The following PCSK2 variants were observed in gnomAD, a reference collection of about 807,000 sequenced individuals.
PCSK2 encodes proprotein convertase subtilisin/kexin type 2, also known as neuroendocrine convertase 2.
In PCSK2, 14 loss-of-function variants were observed where a neutral mutation model predicts 69.7. That is an observed-to-expected ratio of 0.20 (90% CI 0.13 to 0.31). The LOEUF (loss-of-function observed/expected upper bound fraction) is 0.31, where lower values mean the gene tolerates loss of function less well. Ranked by LOEUF, PCSK2 falls within the 10% of genes least tolerant of loss-of-function variation. The pLI is 1.00. For missense variants in PCSK2, 544 were observed against 842.5 expected, an observed-to-expected ratio of 0.65 and a Z score of 4.39; for synonymous variants, 307 against 320.7, an observed-to-expected ratio of 0.96 and a Z score of 0.46.
chr20:17,258,797 T>TGTGTGTGTGTG (rs1555782145), intron 1 of PCSK2, among the ~76,000 whole-genome samples: 3 of 151,030 alleles, frequency 2.0e-5, no homozygotes, highest in Non-Finnish European at 4.4e-5. Flanking sequence ...TGTGTGTGTG[T>TGTGTGTGTGTG]TTAAGCAAGG....
intron 5 of PCSK2, among the ~76,000 whole-genome samples, chr20:17,392,233 A>T (rs2031401596): frequency 6.6e-6 from 1 of 152,154 alleles, no homozygotes; most frequent in South Asian, 2.1e-4. Flanking sequence ...ACAGGAAAGA[A>T]CTCAGCATCT....
chr20:17,338,711 A>G (rs559016882), intron 2 of PCSK2, among the ~76,000 whole-genome samples: 2 of 152,290 alleles, frequency 1.3e-5, no homozygotes, highest in African/African-American at 4.8e-5. Flanking sequence ...GAGAGGGGTC[A>G]TTCCCAGGGA....
At chr20:17,331,777 A>C in intron 2 of PCSK2, among the ~76,000 whole-genome samples, 1 of 152,088 alleles carries the variant, frequency 6.6e-6, no homozygotes, top group Non-Finnish European at 1.5e-5. Flanking sequence ...TAAAAAAAAA[A>C]AAACCTCTGA....
chr20:17,341,172 A>T (rs1331512177), intron 2 of PCSK2, among the ~76,000 whole-genome samples: 1 of 152,218 alleles, frequency 6.6e-6, no homozygotes, highest in African/African-American at 2.4e-5. Flanking sequence ...CCCAGGAGAC[A>T]GAGGTTGCAG....
chr20:17,346,802 C>T (rs946229977), intron 2 of PCSK2, among the ~76,000 whole-genome samples: 9 of 152,078 alleles, frequency 5.9e-5, no homozygotes, highest in African/African-American at 2.2e-4. Flanking sequence ...CCTAACATTG[C>T]CCCACCACCC....
At chr20:17,418,891 T>C (rs1172115606) in intron 6 of PCSK2, among the ~76,000 whole-genome samples, 2 of 152,234 alleles carry the variant, frequency 1.3e-5, no homozygotes, top group Non-Finnish European at 2.9e-5. Context: ...GGCTTGTTGC[T>C]ATTAACTATT....
In PCSK2 at chr20:17,483,468, G is replaced by A. The variant is rs756648721; in HGVS notation, c.*1398G>A. 1.3e-5 allele frequency: 2 copies of A among 152,350 alleles called. No individual in the cohort carries two copies. Among genetic ancestry groups the A allele is most frequent in the Non-Finnish European group, 2.9e-5 (2 of 68,092 alleles). 9.4% of individuals were successfully genotyped at this position (152,350 alleles called of 1,614,324 possible). ...ACCCAGAGATTGCTTCTCATCCCCA[G>A]TCCCAATGCACATCCATTCCCAAGA... On this transcript the variant is annotated 3_prime_UTR_variant, in exon 12 of 12. Transcript: ENST00000262545.
At chr20:17,437,035 G>T (rs1217781546) in intron 8 of PCSK2, 152 bp downstream of exon 8, 2 of 665,734 alleles carry the variant, frequency 3.0e-6, no homozygotes, top group Non-Finnish European at 4.9e-6. Context: ...CATGCAGGAG[G>T]CTGACTGCAG....
chr20:17,403,917 G>C (rs916582988), intron 5 of PCSK2, among the ~76,000 whole-genome samples: 11 of 152,220 alleles, frequency 7.2e-5, no homozygotes, highest in Admixed American at 2.6e-4. Flanking sequence ...ATGCTAGTAG[G>C]TATATAGTGC....
chr20:17,333,690 T>G (rs1990262277), intron 2 of PCSK2, among the ~76,000 whole-genome samples: 1 of 151,950 alleles, frequency 6.6e-6, no homozygotes, highest in Non-Finnish European at 1.5e-5. Context: ...CTTCATGTAT[T>G]TATGGCTTCA....
intron 2 of PCSK2, among the ~76,000 whole-genome samples, chr20:17,274,357 C>A (rs527413214): frequency 2.2e-4 from 34 of 152,272 alleles, no homozygotes; most frequent in African/African-American, 8.2e-4. Context: ...TAGGGCCTGG[C>A]TCCTCCTCTA....
intron 6 of PCSK2, among the ~76,000 whole-genome samples, chr20:17,412,920 C>G (rs1451992319): frequency 1.3e-5 from 2 of 152,132 alleles, no homozygotes; most frequent in Non-Finnish European, 2.9e-5. Flanking sequence ...AATTTCATAT[C>G]CAGCCAAACT....
At chr20:17,227,964 G>C (rs1985996399) in intron 1 of PCSK2, among the ~76,000 whole-genome samples, 1 of 152,146 alleles carries the variant, frequency 6.6e-6, no homozygotes, top group Non-Finnish European at 1.5e-5. Context: ...CCCGCGCCGG[G>C]AGGACTTCCC....
At chr20:17,297,864 T>A (rs1004053864) in intron 2 of PCSK2, among the ~76,000 whole-genome samples, 5 of 152,224 alleles carry the variant, frequency 3.3e-5, no homozygotes, top group African/African-American at 9.6e-5. Flanking sequence ...GCTAATTTTT[T>A]AAAATAACAT....
At chr20:17,445,392 G>C (rs1009318896) in intron 8 of PCSK2, among the ~76,000 whole-genome samples, 2 of 152,182 alleles carry the variant, frequency 1.3e-5, no homozygotes, top group Non-Finnish European at 2.9e-5. Flanking sequence ...AGTTGCTGCT[G>C]GAGGGAATAT....
chr20:17,467,996 G>T (rs921481915), intron 11 of PCSK2, among the ~76,000 whole-genome samples: 2 of 152,202 alleles, frequency 1.3e-5, no homozygotes, highest in Non-Finnish European at 2.9e-5. Flanking sequence ...ACAAGCATGT[G>T]CCCTGGGATT....
At chr20:17,423,854 A>G (rs575412817) in intron 6 of PCSK2, among the ~76,000 whole-genome samples, 51 of 152,358 alleles carry the variant, frequency 3.3e-4, no homozygotes, top group African/African-American at 1.1e-3. Flanking sequence ...CAAATAGCCT[A>G]TGAAAAGATT....
intron 7 of PCSK2, among the ~76,000 whole-genome samples, chr20:17,433,142 C>T (rs1289380021): frequency 6.6e-6 from 1 of 152,066 alleles, no homozygotes; most frequent in Non-Finnish European, 1.5e-5. Flanking sequence ...ATGAGATCAC[C>T]TTTGATTGAA....
intron 2 of PCSK2, among the ~76,000 whole-genome samples, chr20:17,342,543 C>T (rs1296952621): frequency 6.6e-6 from 1 of 152,124 alleles, no homozygotes; most frequent in Non-Finnish European, 1.5e-5. Flanking sequence ...GGTCTCAACT[C>T]CTGGACTCAA....
Sources: allele counts gnomAD v4.1 joint callset (sites outside exome capture counted in the v4.1 genomes callset), GRCh38; gene constraint gnomAD v4.1.1; transcripts MANE v1.5; gene names NCBI Gene and HGNC (gene_info 2026-07-23, HGNC 2026-07-21).